The following SYT1 variants were observed in gnomAD, a reference collection of about 807,000 sequenced individuals.
The protein encoded by SYT1 is synaptotagmin-1.
A neutral mutation model predicts 44.8 loss-of-function variants in SYT1; 8 were observed. That is an observed-to-expected ratio of 0.18 (90% CI 0.10 to 0.32). The LOEUF is 0.32. Among genes scored for constraint, SYT1 ranks in the 10% least tolerant of loss-of-function variants. SYT1 has a pLI of 1.00. For synonymous variants in SYT1, 154 were observed against 188.8 expected (o/e 0.82, Z 1.51); for missense variants, 286 against 509.3 (o/e 0.56, Z 4.22).
At chr12:79,258,869 T>C (rs745822895) in intron 4 of SYT1, among the ~76,000 whole-genome samples, 1 of 152,176 alleles carries the variant, frequency 6.6e-6, no homozygotes, top group Non-Finnish European at 1.5e-5. Flanking sequence ...AAGAAGTCCA[T>C]GAGGTAATGT....
intron 2 of SYT1, among the ~76,000 whole-genome samples, chr12:78,992,506 A>G (rs566462572): frequency 1.4e-4 from 22 of 152,360 alleles, no homozygotes; most frequent in Admixed American, 9.1e-4. Context: ...CAAATGCAGC[A>G]AGGATTAGTA....
At chr12:78,904,259 A>T (rs1211292293) in intron 1 of SYT1, among the ~76,000 whole-genome samples, 1 of 152,176 alleles carries the variant, frequency 6.6e-6, no homozygotes, top group Non-Finnish European at 1.5e-5. Flanking sequence ...CATGATCTGC[A>T]TATGACTTAG....
intron 3 of SYT1, among the ~76,000 whole-genome samples, chr12:79,056,596 A>G (rs1029427267): frequency 4.6e-5 from 7 of 152,054 alleles, no homozygotes; most frequent in African/African-American, 1.7e-4. Flanking sequence ...TCCAGAGAAA[A>G]TAGACCTAAC....
intron 3 of SYT1, among the ~76,000 whole-genome samples, chr12:79,203,467 A>G (rs1213886176): frequency 2.0e-5 from 3 of 152,138 alleles, no homozygotes; most frequent in African/African-American, 7.2e-5. Flanking sequence ...AAATCACCCA[A>G]CAGAATTCCT....
rs146863492 is a variant in SYT1 at position 79,208,422 on chromosome 12, T to C, written c.-17-9081T>C. Among the ~76,000 whole-genome samples the C allele has an allele frequency of 2.8e-3, 428 of 152,198 alleles. 2 individuals are homozygous for C. Among genetic ancestry groups the C allele is most frequent in the Non-Finnish European group, 4.6e-3 (314 of 67,978 alleles). On this transcript the variant is annotated intron_variant, in intron 3 of 10. Transcript: ENST00000261205. ...TCTTTAGTACATGGTAAGTGAGACCTAACTAAAAATGATTCTTGTTCTCCC... is the reference window on the plus strand; with the variant it reads ...TCTTTAGTACATGGTAAGTGAGACCCAACTAAAAATGATTCTTGTTCTCCC...
At chr12:79,445,426 A>AT (rs1870654406) in intron 10 of SYT1, among the ~76,000 whole-genome samples, 1 of 152,006 alleles carries the variant, frequency 6.6e-6, no homozygotes, top group African/African-American at 2.4e-5. Flanking sequence ...TGTAGCTGTG[A>AT]TTTTATATCC....
At chr12:79,141,475 C>T (rs1382145417) in intron 3 of SYT1, among the ~76,000 whole-genome samples, 1 of 151,798 alleles carries the variant, frequency 6.6e-6, no homozygotes, top group Non-Finnish European at 1.5e-5. Context: ...TTGTTTTCTT[C>T]CATTTATATT....
chr12:79,041,939 A>G (rs1053967863), intron 2 of SYT1, among the ~76,000 whole-genome samples: 4 of 152,060 alleles, frequency 2.6e-5, no homozygotes, highest in African/African-American at 7.2e-5. Context: ...ATTGATTTGC[A>G]TATATTGAAC....
chr12:78,913,757 A>G (rs1036208830), intron 1 of SYT1, among the ~76,000 whole-genome samples: 7 of 151,920 alleles, frequency 4.6e-5, no homozygotes, highest in East Asian at 3.9e-4. Flanking sequence ...GATTAAACTA[A>G]TAGTAATTAC....
At chr12:78,883,213 ATTGAG>A (rs1434652118) in intron 1 of SYT1, among the ~76,000 whole-genome samples, 1 of 151,706 alleles carries the variant, frequency 6.6e-6, no homozygotes, top group Non-Finnish European at 1.5e-5. Context: ...AAAAAATAAG[ATTGAG>A]TTAAGTCCTC....
rs118026821 is a variant in SYT1 at position 79,275,627 on chromosome 12, T to G, written c.167-10160T>G. Among the ~76,000 whole-genome samples the G allele has an allele frequency of 7.2e-5, 11 of 152,232 alleles. No homozygotes were observed. The East Asian group carries it at 2.1e-3, about 30-fold the overall frequency. The stretch of plus-strand genomic sequence containing the variant: ...CTGAGGTGACTCCCTCCCTCCCCTG[T>G]AAAGATTTCAATGTATTTCGCTGGG... On this transcript the variant is annotated intron_variant, in intron 4 of 10. Coordinates refer to ENST00000261205, the MANE Select transcript of SYT1 (RefSeq NM_005639.3).
chr12:79,310,090 C>T (rs1247799562), intron 8 of SYT1, among the ~76,000 whole-genome samples: 2 of 152,058 alleles, frequency 1.3e-5, no homozygotes, highest in Non-Finnish European at 2.9e-5. Flanking sequence ...AAGTCCTTGC[C>T]CATGCCTATG....
At chr12:78,955,157 CA>C (rs1565735212) in intron 1 of SYT1, among the ~76,000 whole-genome samples, 1 of 152,074 alleles carries the variant, frequency 6.6e-6, no homozygotes, top group Non-Finnish European at 1.5e-5. Flanking sequence ...GACGGTTAAA[CA>C]GAGTTTCTAA....
chr12:78,885,005 A>T (rs1454600614), intron 1 of SYT1, among the ~76,000 whole-genome samples: 1 of 151,936 alleles, frequency 6.6e-6, no homozygotes, highest in African/African-American at 2.4e-5. Flanking sequence ...TTTTGGAAAT[A>T]AGAAAATTGA....
intron 4 of SYT1, among the ~76,000 whole-genome samples, chr12:79,249,860 G>A (rs909134186): frequency 2.6e-5 from 4 of 152,080 alleles, no homozygotes; most frequent in Non-Finnish European, 5.9e-5. Flanking sequence ...AAGTATCAAA[G>A]TTTTGAACCC....
chr12:79,185,055 G>A (rs944969514), intron 3 of SYT1, among the ~76,000 whole-genome samples: 5 of 151,948 alleles, frequency 3.3e-5, no homozygotes, highest in Admixed American at 6.6e-5. Flanking sequence ...TCAAGAAGCC[G>A]GCTCTCTCCA....
chr12:79,404,090 C>T (rs948394813), intron 9 of SYT1, among the ~76,000 whole-genome samples: 2 of 152,146 alleles, frequency 1.3e-5, no homozygotes, highest in African/African-American at 4.8e-5. Context: ...ATAAGCACCA[C>T]AACACTGCAA....
chr12:78,942,865 C>A (rs1256455813), intron 1 of SYT1, among the ~76,000 whole-genome samples: 2 of 152,156 alleles, frequency 1.3e-5, no homozygotes, highest in African/African-American at 2.4e-5. Flanking sequence ...GTTGACCCTG[C>A]AGCCATGAGC....
intron 3 of SYT1, among the ~76,000 whole-genome samples, chr12:79,071,181 G>A (rs1477791309): frequency 6.6e-6 from 1 of 152,176 alleles, no homozygotes; most frequent in African/African-American, 2.4e-5. Flanking sequence ...GTGTGTGTTT[G>A]AGAGCAACAG....
Sources: allele counts gnomAD v4.1 joint callset (sites outside exome capture counted in the v4.1 genomes callset), GRCh38; gene constraint gnomAD v4.1.1; transcripts MANE v1.5; gene names NCBI Gene and HGNC (gene_info 2026-07-23, HGNC 2026-07-21).